Variants in ASB3 observed in about 807,000 individuals in gnomAD.
The protein encoded by ASB3 is ankyrin repeat and SOCS box protein 3.
In ASB3, 41 loss-of-function variants were observed where a neutral mutation model predicts 54.5. The ratio of observed to expected loss-of-function variants is 0.75; its 90% confidence interval spans 0.59 to 0.98. The LOEUF (loss-of-function observed/expected upper bound fraction) is 0.98, where lower values mean the gene tolerates loss of function less well. ASB3 is among the 50% of genes least tolerant of loss of function. The pLI is 0.00. For missense variants in ASB3, 733 were observed against 620.0 expected (o/e 1.18, Z -1.94); for synonymous variants, 266 against 221.2 (o/e 1.20, Z -1.80).
intron 9 of ASB3, among the ~76,000 whole-genome samples, chr2:53,671,753 C>A: frequency 8.4e-6 from 1 of 119,364 alleles, no homozygotes; most frequent in Non-Finnish European, 1.9e-5. Flanking sequence ...GAGGGAAACT[C>A]CTTCTCAAAA....
intron 1 of ASB3, among the ~76,000 whole-genome samples, chr2:53,771,516 AAAAT>A (rs141804757): frequency 2.8e-4 from 42 of 152,292 alleles, no homozygotes; most frequent in African/African-American, 7.5e-4. Context: ...TCCGTCTCAA[AAAAT>A]AAATAAATAA....
At chr2:53,783,455 T>C (rs1242354333) in intron 1 of ASB3, among the ~76,000 whole-genome samples, 1 of 151,942 alleles carries the variant, frequency 6.6e-6, no homozygotes, top group Non-Finnish European at 1.5e-5. Context: ...AAGAACATAA[T>C]TAAAGAAATA....
At chr2:53,757,089 C>A (rs986257648) in intron 2 of ASB3, among the ~76,000 whole-genome samples, 1 of 152,166 alleles carries the variant, frequency 6.6e-6, no homozygotes, top group African/African-American at 2.4e-5. Context: ...CAAGGACCCC[C>A]CAGTAACATT....
intron 3 of ASB3, among the ~76,000 whole-genome samples, chr2:53,740,324 C>T (rs763884916): frequency 9.9e-5 from 15 of 152,260 alleles, no homozygotes; most frequent in East Asian, 1.9e-4. Flanking sequence ...TTTGTAAGAA[C>T]ATTTATCTCC....
chr2:53,760,434 C>CA (rs1184048105), intron 2 of ASB3, among the ~76,000 whole-genome samples: 1 of 152,026 alleles, frequency 6.6e-6, no homozygotes, highest in African/African-American at 2.4e-5. Flanking sequence ...ATATTGAAGC[C>CA]AAAAGAGTTG....
At chr2:53,682,250 A>C (rs1668415490) in intron 9 of ASB3, among the ~76,000 whole-genome samples, 1 of 151,950 alleles carries the variant, frequency 6.6e-6, no homozygotes, top group South Asian at 2.1e-4. Context: ...GAATCTGTAG[A>C]TTGCTTTAAG....
intron 1 of ASB3, chr2:53,771,855 C>G: frequency 9.8e-7 from 1 of 1,019,570 alleles, no homozygotes. Flanking sequence ...TGCTCAGCTA[C>G]TTAATGAACT....
intron 3 of ASB3, chr2:53,748,513 T>C (rs1672349484): frequency 6.6e-6 from 1 of 152,204 alleles, no homozygotes; most frequent in African/African-American, 2.4e-5. Flanking sequence ...ACTTTTCGCA[T>C]ATTCAAAGTA....
At chr2:53,724,508 A>G (rs1363864112) in intron 5 of ASB3, among the ~76,000 whole-genome samples, 1 of 152,094 alleles carries the variant, frequency 6.6e-6, no homozygotes, top group African/African-American at 2.4e-5. Flanking sequence ...CTGAGGCAGG[A>G]GAATCACTTG....
chr2:53,701,547 T>G (rs1037535353), intron 7 of ASB3, among the ~76,000 whole-genome samples: 7 of 152,168 alleles, frequency 4.6e-5, no homozygotes, highest in Non-Finnish European at 8.8e-5. Flanking sequence ...TAGAGCCAGA[T>G]CTATGTTTTC....
intron 1 of ASB3, among the ~76,000 whole-genome samples, chr2:53,773,611 A>G (rs1013796046): frequency 6.6e-6 from 1 of 151,946 alleles, no homozygotes; most frequent in African/African-American, 2.4e-5. Flanking sequence ...TTGTATTTTT[A>G]GTAAAGACGG....
intron 1 of ASB3, among the ~76,000 whole-genome samples, chr2:53,782,555 A>G (rs577844188): frequency 1.1e-3 from 161 of 152,342 alleles, no homozygotes; most frequent in African/African-American, 3.6e-3. Flanking sequence ...CCTGGCAGCA[A>G]CAGTATTTGT....
At chr2:53,741,214 T>A (rs184048524) in intron 3 of ASB3, among the ~76,000 whole-genome samples, 56 of 152,344 alleles carry the variant, frequency 3.7e-4, no homozygotes, top group African/African-American at 1.3e-3. Context: ...TAACCAATGA[T>A]AATCACATAT....
At chr2:53,752,216 A>G (rs1484317113) in intron 2 of ASB3, among the ~76,000 whole-genome samples, 1 of 152,232 alleles carries the variant, frequency 6.6e-6, no homozygotes, top group Non-Finnish European at 1.5e-5. Flanking sequence ...TATACTTGAT[A>G]AAGTAACTCA....
At chr2:53,684,886 A>T (rs191374072) in intron 9 of ASB3, among the ~76,000 whole-genome samples, 19 of 152,294 alleles carry the variant, frequency 1.2e-4, no homozygotes, top group Admixed American at 8.5e-4. Context: ...TGAGGAGGAG[A>T]TTATTTAGAG....
chr2:53,701,665 G>C (rs555939442), intron 7 of ASB3, among the ~76,000 whole-genome samples: 1 of 152,314 alleles, frequency 6.6e-6, no homozygotes, highest in African/African-American at 2.4e-5. Flanking sequence ...GTGAGCCTGA[G>C]AAAGATAGGA....
Position 53,771,301 on chromosome 2 carries a change from G to T in ASB3, c.-13-5716C>A, listed in dbSNP as rs114756493. Among the ~76,000 whole-genome samples, 937 of 152,202 alleles carry T rather than the reference G, an allele frequency of 6.2e-3. 9 individuals are homozygous for T. Among genetic ancestry groups the T allele is most frequent in the African/African-American group, 0.021 (892 of 41,522 alleles). ...AGGCCGAGACGGGTGGATTACCTAAGGTCAGGAGTTCCATACCAGCCTGGC... is the reference window on the plus strand; with the variant it reads ...AGGCCGAGACGGGTGGATTACCTAATGTCAGGAGTTCCATACCAGCCTGGC... On this transcript the variant is annotated intron_variant, in intron 1 of 9. Transcript: ENST00000263634.
At chr2:53,729,381 AACTGCATAGG>A in intron 4 of ASB3, 67 bp downstream of exon 4, 1 of 1,474,548 alleles carries the variant, frequency 6.8e-7, no homozygotes, top group Non-Finnish European at 9.4e-7. Flanking sequence ...AGAAAGCAAA[AACTGCATAGG>A]ACTGTCATTT....
intron 1 of ASB3, chr2:53,774,098 A>T (rs1189569466): frequency 3.3e-6 from 5 of 1,524,752 alleles, no homozygotes; most frequent in Non-Finnish European, 4.4e-6. Flanking sequence ...CACCTATTTT[A>T]ATTAGCCTTA....
Sources: gnomAD v4.1 joint callset for allele counts (sites outside exome capture counted in the v4.1 genomes callset) on GRCh38, gnomAD v4.1.1 for gene constraint, MANE v1.5 for transcripts, NCBI Gene and HGNC (gene_info 2026-07-23, HGNC 2026-07-21) for gene names.